Variants in PIEZO2 observed in about 807,000 individuals in gnomAD.
The protein encoded by PIEZO2 is piezo-type mechanosensitive ion channel component 2.
In PIEZO2, 172 loss-of-function variants were observed where a neutral mutation model predicts 337.3. That is an observed-to-expected ratio of 0.51 (90% CI 0.45 to 0.58). PIEZO2 has a LOEUF of 0.58. Among genes scored for constraint, PIEZO2 ranks in the 20% least tolerant of loss-of-function variants. The pLI is 0.00. For missense variants in PIEZO2, 3,028 were observed against 3,391.3 expected (o/e 0.89, Z 2.66); for synonymous variants, 1,251 against 1,228.5 (o/e 1.02, Z -0.38).
chr18:11,054,433 C>A (rs1167903294), intron 2 of PIEZO2, among the ~76,000 whole-genome samples: 1 of 152,196 alleles, frequency 6.6e-6, no homozygotes, highest in East Asian at 1.9e-4. Context: ...TAGTTTCATA[C>A]GTTCGTCTAA....
At position 11,146,750 on chromosome 18, in the gene PIEZO2, C is replaced by A. The variant is rs551054307; in HGVS notation, c.64+1775G>T. The stretch of plus-strand genomic sequence containing the variant: ...CACTGGTGCCAAGTCACAGAGTGGA[C>A]CGAGCTGGCTGCAGGGAACCACATG... On this transcript the variant is annotated intron_variant, in intron 1 of 55. Transcript: ENST00000674853. The surrounding 1 kb of genome is among the most constrained non-coding windows in gnomAD (Gnocchi z 6.1). 6.6e-6 allele frequency among the ~76,000 whole-genome samples: 1 copy of A among 152,304 alleles called. No individual in the cohort carries two copies. The highest frequency in any genetic ancestry group is 2.1e-4 in the South Asian group (1 of 4,826).
rs977674793 is a variant in PIEZO2 at position 11,127,922 on chromosome 18, C to G, written c.64+20603G>C. 1.3e-5 allele frequency among the ~76,000 whole-genome samples: 2 copies of G among 151,144 alleles called. No homozygotes were observed. The highest frequency in any genetic ancestry group is 4.9e-5 in the African/African-American group (2 of 41,076). ...CAGAATATTAAGGATGGAGTTCTTT[C>G]GTTGGTTTTGGGGTTTCTGGAGTTG... On this transcript the variant is annotated intron_variant, in intron 1 of 55. Transcript: ENST00000674853. This position sits in a 1 kb window ranked among gnomAD's most constrained non-coding sequence, Gnocchi z 4.5.
At chr18:10,983,386 C>G (rs1294470351) in intron 2 of PIEZO2, among the ~76,000 whole-genome samples, 7 of 152,166 alleles carry the variant, frequency 4.6e-5, no homozygotes, top group Non-Finnish European at 1.5e-5. Context: ...ACCCCTCCCT[C>G]AAGGTGGCAC....
intron 1 of PIEZO2, among the ~76,000 whole-genome samples, chr18:11,117,667 T>G (rs1482146568): frequency 6.6e-6 from 1 of 152,216 alleles, no homozygotes; most frequent in South Asian, 2.1e-4. Flanking sequence ...AAATGTCCCT[T>G]TGGATGTTTG....
intron 4 of PIEZO2, among the ~76,000 whole-genome samples, chr18:10,886,402 A>G (rs1240967477): frequency 8.7e-5 from 5 of 57,454 alleles, no homozygotes; most frequent in African/African-American, 6.2e-4. Context: ...ATATATATAT[A>G]TATATATATA....
At position 10,982,789 on chromosome 18, in the gene PIEZO2, C is replaced by T. The variant is rs997177794; in HGVS notation, c.161-3129G>A. Among the ~76,000 whole-genome samples, 1 of 151,856 alleles carries T rather than the reference C, an allele frequency of 6.6e-6. No homozygotes were observed. The highest frequency in any genetic ancestry group is 1.5e-5 in the Non-Finnish European group (1 of 67,978). ...AGGCTGGAGTGAAGTGGCATGATGT[C>T]GGCTTACTGCAACTTCCACCTCCCA... On this transcript the variant is annotated intron_variant, in intron 2 of 55. Transcript: ENST00000674853. This position sits in a 1 kb window ranked among gnomAD's most constrained non-coding sequence, Gnocchi z 4.1.
intron 3 of PIEZO2, among the ~76,000 whole-genome samples, chr18:10,947,997 A>G (rs7232875): frequency 0.016 from 2,446 of 152,246 alleles, 71 homozygotes; most frequent in African/African-American, 0.055. Flanking sequence ...CACATTACAA[A>G]AGAAGAAAAG....
In PIEZO2 at chr18:10,870,891, T is replaced by C. The variant is rs1458237913; in HGVS notation, c.492+362A>G. Among the ~76,000 whole-genome samples the C allele has an allele frequency of 1.3e-5, 2 of 152,136 alleles. No homozygotes were observed. Among genetic ancestry groups the C allele is most frequent in the Admixed American group, 6.5e-5 (1 of 15,274 alleles). ...TTTCCCTAAAACTACCAGATGTTACTTCTTTAAATATTCTGCAATAACTAA... is the reference window on the plus strand; with the variant it reads ...TTTCCCTAAAACTACCAGATGTTACCTCTTTAAATATTCTGCAATAACTAA... On this transcript the variant is annotated intron_variant, in intron 5 of 55. Coordinates refer to ENST00000674853, the MANE Select transcript of PIEZO2 (RefSeq NM_001378183.1). This position sits in a 1 kb window ranked among gnomAD's most constrained non-coding sequence, Gnocchi z 5.3.
chr18:10,828,028 G>A lies in PIEZO2; in HGVS notation c.918-20754C>T, dbSNP rs1296209743. On this transcript the variant is annotated intron_variant, in intron 7 of 55. Transcript: ENST00000674853. The surrounding 1 kb of genome is among the most constrained non-coding windows in gnomAD (Gnocchi z 4.1). The stretch of plus-strand genomic sequence containing the variant: ...CACTAGGTTGATGGAGATTTTATAA[G>A]CAAAAGATGAATAAACATATAAACT... Among the ~76,000 whole-genome samples the A allele has an allele frequency of 6.6e-6, 1 of 152,058 alleles. No individual in the cohort carries two copies. Among genetic ancestry groups the A allele is most frequent in the African/African-American group, 2.4e-5 (1 of 41,402 alleles).
At position 11,094,588 on chromosome 18, in the gene PIEZO2, C is replaced by T. The variant is rs923172995; in HGVS notation, c.65-28366G>A. Among the ~76,000 whole-genome samples, 1 of 152,210 alleles carries T rather than the reference C, an allele frequency of 6.6e-6. No individual in the cohort carries two copies. Among genetic ancestry groups the T allele is most frequent in the Non-Finnish European group, 1.5e-5 (1 of 68,038 alleles). ...GCACTCAGAAGCCTCGCTGTCCCCT[C>T]TCTGAAGACAGATGGCAACGGCACC... is the stretch of plus-strand genomic sequence containing the variant. On this transcript the variant is annotated intron_variant, in intron 1 of 55. Coordinates refer to ENST00000674853, the MANE Select transcript of PIEZO2 (RefSeq NM_001378183.1). This position sits in a 1 kb window ranked among gnomAD's most constrained non-coding sequence, Gnocchi z 4.4.
At position 11,079,160 on chromosome 18, in the gene PIEZO2, C is replaced by T. The variant is rs141313687; in HGVS notation, c.65-12938G>A. On this transcript the variant is annotated intron_variant, in intron 1 of 55. Coordinates refer to ENST00000674853, the MANE Select transcript of PIEZO2 (RefSeq NM_001378183.1). ...CAGGTCTCCTAAACCCAGGCATAGA[C>T]GTTGTTTCACTTTCCCTGGCCCATC... Among the ~76,000 whole-genome samples, 825 of 152,242 alleles carry T rather than the reference C, an allele frequency of 5.4e-3. 2 individuals carry two copies. Among genetic ancestry groups the T allele is most frequent in the Middle Eastern group, 0.01 (3 of 294 alleles).
chr18:11,045,980 G>C (rs1390999162), intron 2 of PIEZO2, among the ~76,000 whole-genome samples: 1 of 152,148 alleles, frequency 6.6e-6, no homozygotes. Context: ...TAAATGTACA[G>C]GACTTGCTCA....
At position 10,757,980 on chromosome 18, in the gene PIEZO2, A is replaced by G; in HGVS notation, c.3912T>C (p.Phe1304=). The change falls in exon 27 of 56, where the codon TTT becomes TTC. Residue 1304 remains phenylalanine (F), a synonymous_variant. Transcript: ENST00000674853. ...SFSQHNPVPD[F]IHCRSYLDMS... ...GAAGCTCTTGTTACCTGCAGTGAAT[A>G]AAATCTGGCACAGGGTTATGTTGGC... 6.5e-7 allele frequency: 1 copy of G among 1,535,564 alleles called. No homozygotes were observed. Among genetic ancestry groups the G allele is most frequent in the Non-Finnish European group, 8.7e-7 (1 of 1,146,230 alleles).
chr18:11,133,153 T>C (rs2040386032), intron 1 of PIEZO2, among the ~76,000 whole-genome samples: 1 of 152,246 alleles, frequency 6.6e-6, no homozygotes, highest in South Asian at 2.1e-4. Context: ...TTTGTGCATG[T>C]ATACACTTGT....
chr18:11,095,738 G>C (rs1329854633), intron 1 of PIEZO2, among the ~76,000 whole-genome samples: 1 of 152,076 alleles, frequency 6.6e-6, no homozygotes, highest in Non-Finnish European at 1.5e-5. Context: ...ATGATTCCTG[G>C]ATCCTAACTC....
At position 11,127,957 on chromosome 18, in the gene PIEZO2, T is replaced by A. The variant is rs921357798; in HGVS notation, c.64+20568A>T. 2.0e-5 allele frequency among the ~76,000 whole-genome samples: 3 copies of A among 151,958 alleles called. No individual in the cohort carries two copies. In the South Asian group the frequency reaches 6.2e-4, roughly 32 times the overall value. On this transcript the variant is annotated intron_variant, in intron 1 of 55. Coordinates refer to ENST00000674853, the MANE Select transcript of PIEZO2 (RefSeq NM_001378183.1). The surrounding 1 kb of genome is among the most constrained non-coding windows in gnomAD (Gnocchi z 4.5). Reference sequence around the variant, plus strand: ...GGGGTTTCTGGAGTTGGCTGCTTAGTATGATTAGACCTGAAAATGCTAAGG... The same window carrying A: ...GGGGTTTCTGGAGTTGGCTGCTTAGAATGATTAGACCTGAAAATGCTAAGG...
chr18:11,059,789 C>T (rs1215547969), intron 2 of PIEZO2, among the ~76,000 whole-genome samples: 5 of 152,182 alleles, frequency 3.3e-5, no homozygotes, highest in African/African-American at 9.7e-5. Context: ...GAGACTTAGA[C>T]TCCCACACAA....
In PIEZO2 at chr18:11,038,472, C is replaced by T. The variant is rs1417925036; in HGVS notation, c.160+27655G>A. On this transcript the variant is annotated intron_variant, in intron 2 of 55. Transcript: ENST00000674853. This position sits in a 1 kb window ranked among gnomAD's most constrained non-coding sequence, Gnocchi z 4.1. ...CCACCCATTCCAAAAGTTTTAGGTA[C>T]AATGCAGTTTCTTGTGCTCATTCAT... Among the ~76,000 whole-genome samples, 2 of 152,124 alleles carry T rather than the reference C, an allele frequency of 1.3e-5. No individual in the cohort carries two copies. The highest frequency in any genetic ancestry group is 1.3e-4 in the Admixed American group (2 of 15,268).
At position 10,877,597 on chromosome 18, in the gene PIEZO2, A is replaced by G. The variant is rs963338959; in HGVS notation, c.330-6182T>C. Among the ~76,000 whole-genome samples the G allele has an allele frequency of 5.3e-5, 8 of 152,108 alleles. No individual in the cohort carries two copies. Among genetic ancestry groups the G allele is most frequent in the African/African-American group, 1.9e-4 (8 of 41,430 alleles). On this transcript the variant is annotated intron_variant, in intron 4 of 55. Transcript: ENST00000674853. This position sits in a 1 kb window ranked among gnomAD's most constrained non-coding sequence, Gnocchi z 5.3. The stretch of plus-strand genomic sequence containing the variant: ...GAAGCTTCCATTCTCTCACTGAAAG[A>G]CTGGAGGAGATTCTGACTTCTAACG...
Sources: gnomAD v4.1 joint callset for allele counts (sites outside exome capture counted in the v4.1 genomes callset) on GRCh38, gnomAD v4.1.1 for gene constraint, Gnocchi (gnomAD v3.1) non-coding constraint, MANE v1.5 for transcripts, NCBI Gene and HGNC (gene_info 2026-07-23, HGNC 2026-07-21) for gene names.